The following ZMIZ1 variants were observed in gnomAD, a reference collection of about 807,000 sequenced individuals.
ZMIZ1 encodes zinc finger MIZ domain-containing protein 1.
A neutral mutation model predicts 113.9 loss-of-function variants in ZMIZ1; 17 were observed. That is an observed-to-expected ratio of 0.15 (90% confidence interval 0.10 to 0.22). The LOEUF (loss-of-function observed/expected upper bound fraction) is 0.22. ZMIZ1 is among the 10% of genes least tolerant of loss of function. The pLI is 1.00. For synonymous variants in ZMIZ1, 607 were observed against 603.1 expected (o/e 1.01, Z -0.09); for missense variants, 1,059 against 1,477.8 (o/e 0.72, Z 4.65).
At chr10:79,307,125 C>T (rs1237112856) in intron 22 of ZMIZ1, among the ~76,000 whole-genome samples, 1 of 152,102 alleles carries the variant, frequency 6.6e-6, no homozygotes, top group Non-Finnish European at 1.5e-5. Context: ...CAGGCCATGT[C>T]CCCCACTCCC....
At chr10:79,309,194 C>A (rs995996375) in intron 23 of ZMIZ1, among the ~76,000 whole-genome samples, 7 of 152,242 alleles carry the variant, frequency 4.6e-5, no homozygotes, top group African/African-American at 1.7e-4. Flanking sequence ...GCTGCCCCCA[C>A]AGACTGCCCA....
chr10:79,087,168 G>A (rs529647571), intron 1 of ZMIZ1, among the ~76,000 whole-genome samples: 2 of 152,356 alleles, frequency 1.3e-5, no homozygotes, highest in Admixed American at 6.5e-5. Flanking sequence ...GTGTGGTAGC[G>A]CATGTTGCGC....
intron 1 of ZMIZ1, among the ~76,000 whole-genome samples, chr10:79,093,231 A>T (rs1843046971): frequency 6.7e-6 from 1 of 149,704 alleles, no homozygotes; most frequent in Non-Finnish European, 1.5e-5. Flanking sequence ...TATGTGCATT[A>T]TCTCATTTAC....
At chr10:79,146,341 A>C (rs1177102597) in intron 3 of ZMIZ1, among the ~76,000 whole-genome samples, 1 of 152,142 alleles carries the variant, frequency 6.6e-6, no homozygotes, top group Non-Finnish European at 1.5e-5. Context: ...AAAGTGCTCA[A>C]GACTCTGGCC....
At position 79,305,508 on chromosome 10, in the gene ZMIZ1, C is replaced by T. The variant is rs776235964; in HGVS notation, c.2355-25C>T. On this transcript the variant is annotated intron_variant, in intron 20 of 24. Transcript: ENST00000334512. The stretch of plus-strand genomic sequence containing the variant: ...ACCTCCTTGGGTCCTGGAGCAGAGG[C>T]CAAGCTCCCCATCTCCTTTTCCAGT... The T allele has an allele frequency of 1.9e-6, 3 of 1,613,654 alleles. No individual in the cohort carries two copies. The African/African-American group carries it at 4.0e-5, about 22-fold the overall frequency.
At chr10:79,143,714 A>G (rs1375007590) in intron 3 of ZMIZ1, among the ~76,000 whole-genome samples, 3 of 151,342 alleles carry the variant, frequency 2.0e-5, no homozygotes, top group East Asian at 2.0e-4. Flanking sequence ...TGACTTGGTC[A>G]GGAACGGCTG....
intron 1 of ZMIZ1, among the ~76,000 whole-genome samples, chr10:79,117,919 C>G (rs138931877): frequency 2.6e-5 from 4 of 152,204 alleles, no homozygotes; most frequent in Admixed American, 2.6e-4. Context: ...TACACTTTTT[C>G]CACCCCAGAG....
At chr10:79,222,989 A>T (rs555796053) in intron 7 of ZMIZ1, among the ~76,000 whole-genome samples, 2 of 152,300 alleles carry the variant, frequency 1.3e-5, no homozygotes, top group Non-Finnish European at 2.9e-5. Flanking sequence ...ACCTGGCTGA[A>T]TGGTGGACTC....
intron 5 of ZMIZ1, among the ~76,000 whole-genome samples, chr10:79,203,371 C>T (rs539951431): frequency 2.6e-5 from 4 of 152,292 alleles, no homozygotes; most frequent in East Asian, 1.9e-4. Flanking sequence ...CTCTCCCAAA[C>T]GCCAATTACA....
At position 79,316,213 on chromosome 10, in the gene ZMIZ1, G is replaced by A. The variant is rs1203759508; in HGVS notation, c.*3464G>A. ...AGTGCAGCCTGAAGTAACTCCCACA[G>A]AAACCATCATCGTCTTTGTACATCG... On this transcript the variant is annotated 3_prime_UTR_variant, in exon 25 of 25. Coordinates refer to ENST00000334512, the MANE Select transcript of ZMIZ1 (RefSeq NM_020338.4). 1 of 152,552 alleles carries A rather than the reference G, an allele frequency of 6.6e-6. No homozygotes were observed. The highest frequency in any genetic ancestry group is 1.5e-5 in the Non-Finnish European group (1 of 68,032). The allele number at this position is 152,552 out of a possible 1,614,324, so 9.4% of individuals were successfully genotyped here.
chr10:79,209,106 G>A (rs1171935666), intron 6 of ZMIZ1, among the ~76,000 whole-genome samples: 1 of 152,076 alleles, frequency 6.6e-6, no homozygotes, highest in African/African-American at 2.4e-5. Flanking sequence ...GCATAAAACT[G>A]AGGAAAGGAG....
intron 1 of ZMIZ1, among the ~76,000 whole-genome samples, chr10:79,081,315 C>A (rs1842651136): frequency 6.6e-6 from 1 of 152,146 alleles, no homozygotes; most frequent in Admixed American, 6.5e-5. Flanking sequence ...CTTCTTATAT[C>A]CCCTGGGCCT....
At chr10:79,216,473 A>G (rs1848734677) in intron 7 of ZMIZ1, 199 bp downstream of exon 7, 1 of 467,982 alleles carries the variant, frequency 2.1e-6, no homozygotes. Flanking sequence ...CCCAGGGAGT[A>G]TACTTGCCTC....
chr10:79,101,889 C>G (rs1226136311), intron 1 of ZMIZ1, among the ~76,000 whole-genome samples: 1 of 152,204 alleles, frequency 6.6e-6, no homozygotes, highest in Admixed American at 6.5e-5. Flanking sequence ...CTGTCAATTA[C>G]CATCAGCTGC....
rs75612442 is a variant in ZMIZ1, at chr10:79,203,995, C to T, written c.60+2303C>T. 4.5e-3 allele frequency among the ~76,000 whole-genome samples: 684 copies of T among 152,304 alleles called. 4 individuals are homozygous for T. The highest frequency in any genetic ancestry group is 0.014 in the Middle Eastern group (4 of 294). ...GGCCATCCAGAGCTCCCTACGTGCT[C>T]CATGCCCCTCCTCCCACATCTCCGG... On this transcript the variant is annotated intron_variant, in intron 5 of 24. Transcript: ENST00000334512.
intron 23 of ZMIZ1, among the ~76,000 whole-genome samples, chr10:79,309,158 TG>T (rs1325946695): frequency 6.6e-6 from 1 of 152,222 alleles, no homozygotes; most frequent in Non-Finnish European, 1.5e-5. Context: ...CCGCAGAGAC[TG>T]GCCAGAGCGC....
intron 2 of ZMIZ1, among the ~76,000 whole-genome samples, chr10:79,126,079 G>A (rs1364258759): frequency 3.9e-5 from 6 of 152,174 alleles, no homozygotes; most frequent in Admixed American, 2.6e-4. Flanking sequence ...ACCTGGCTCC[G>A]TGGAGCCGCA....
At chr10:79,079,512 G>A (rs4980024) in intron 1 of ZMIZ1, among the ~76,000 whole-genome samples, 44,461 of 152,138 alleles carry the variant, frequency 0.29, 6,865 homozygotes, top group Non-Finnish European at 0.34. Context: ...TGTGACTCTT[G>A]AAGATGTGAA....
At chr10:79,238,289 C>T (rs919733993) in intron 7 of ZMIZ1, among the ~76,000 whole-genome samples, 1 of 152,108 alleles carries the variant, frequency 6.6e-6, no homozygotes, top group East Asian at 1.9e-4. Context: ...CAAAATGAAA[C>T]GATTATAGGA....
Sources: allele counts gnomAD v4.1 joint callset (sites outside exome capture counted in the v4.1 genomes callset), GRCh38; gene constraint gnomAD v4.1.1; transcripts MANE v1.5; gene names NCBI Gene and HGNC (gene_info 2026-07-23, HGNC 2026-07-21).